The following PPFIA2 variants were observed in gnomAD, a reference collection of about 807,000 sequenced individuals.
The protein encoded by PPFIA2 is liprin-alpha-2.
A neutral mutation model predicts 175.5 loss-of-function variants in PPFIA2; 46 were observed. That is an observed-to-expected ratio of 0.26 (90% CI 0.21 to 0.34). The LOEUF (loss-of-function observed/expected upper bound fraction) is 0.34. Ranked by LOEUF, PPFIA2 falls within the 10% of genes least tolerant of loss-of-function variation. The pLI is 1.00. For synonymous variants in PPFIA2, 568 were observed against 511.4 expected (o/e 1.11, Z -1.49); for missense variants, 1,179 against 1,506.1 (o/e 0.78, Z 3.60).
intron 26 of PPFIA2, among the ~76,000 whole-genome samples, chr12:81,281,769 T>C (rs1441856391): frequency 6.6e-6 from 1 of 152,124 alleles, no homozygotes; most frequent in Non-Finnish European, 1.5e-5. Flanking sequence ...TTTAAATTGA[T>C]AGGTTTGTTT....
At position 81,504,439 on chromosome 12, in the gene PPFIA2, A is replaced by G. The variant is rs138597714; in HGVS notation, c.304-46573T>C. On this transcript the variant is annotated intron_variant, in intron 4 of 32. Coordinates refer to ENST00000549396, the MANE Select transcript of PPFIA2 (RefSeq NM_003625.5). ...TAGAGAAATGCAAATCAAAACCACAATGAGACACCATCTCACACCAGTTAG... is the reference window on the plus strand; with the variant it reads ...TAGAGAAATGCAAATCAAAACCACAGTGAGACACCATCTCACACCAGTTAG... Among the ~76,000 whole-genome samples, 561 of 152,290 alleles carry G rather than the reference A, an allele frequency of 3.7e-3. 3 individuals are homozygous for G. The highest frequency in any genetic ancestry group is 0.013 in the African/African-American group (521 of 41,568).
At chr12:81,261,018 T>G (rs924560750) in intron 32 of PPFIA2, 2 of 152,192 alleles carry the variant, frequency 1.3e-5, no homozygotes, top group Non-Finnish European at 2.9e-5. Context: ...CATTAATTGG[T>G]ATTTCCTTAA....
chr12:81,290,643 T>A (rs1159172123), intron 24 of PPFIA2, among the ~76,000 whole-genome samples: 1 of 151,800 alleles, frequency 6.6e-6, no homozygotes, highest in Non-Finnish European at 1.5e-5. Flanking sequence ...ACCAGATTAA[T>A]AAGAATATAA....
intron 22 of PPFIA2, among the ~76,000 whole-genome samples, chr12:81,318,283 C>T (rs997929904): frequency 6.6e-6 from 1 of 151,660 alleles, no homozygotes; most frequent in African/African-American, 2.4e-5. Context: ...GAACACAATA[C>T]CCAGCTACAA....
intron 4 of PPFIA2, among the ~76,000 whole-genome samples, chr12:81,618,464 G>A (rs1467721565): frequency 1.3e-5 from 2 of 149,780 alleles, no homozygotes; most frequent in East Asian, 2.0e-4. Flanking sequence ...ACTCATTAAT[G>A]TATTATTTCT....
At chr12:81,647,402 A>C (rs1283354279) in intron 4 of PPFIA2, among the ~76,000 whole-genome samples, 1 of 152,174 alleles carries the variant, frequency 6.6e-6, no homozygotes, top group Non-Finnish European at 1.5e-5. Context: ...ACATTCAAAA[A>C]GTTCAGAGAA....
At chr12:81,678,459 T>C (rs1037535380) in intron 3 of PPFIA2, among the ~76,000 whole-genome samples, 2 of 151,826 alleles carry the variant, frequency 1.3e-5, no homozygotes, top group Non-Finnish European at 2.9e-5. Context: ...CTATCTGAAA[T>C]GCTAACTGTG....
At chr12:81,613,897 T>G (rs959761441) in intron 4 of PPFIA2, among the ~76,000 whole-genome samples, 30 of 152,270 alleles carry the variant, frequency 2.0e-4, no homozygotes, top group African/African-American at 6.7e-4. Flanking sequence ...TAGAAAATAC[T>G]TATTCTAAGA....
At chr12:81,318,896 A>G (rs1002880903) in intron 22 of PPFIA2, among the ~76,000 whole-genome samples, 6 of 151,732 alleles carry the variant, frequency 4.0e-5, no homozygotes, top group South Asian at 4.1e-4. Flanking sequence ...TTCAAATATC[A>G]GTAATTTAAA....
chr12:81,629,380 T>A (rs1595783148), intron 4 of PPFIA2, among the ~76,000 whole-genome samples: 1 of 152,158 alleles, frequency 6.6e-6, no homozygotes, highest in Non-Finnish European at 1.5e-5. Flanking sequence ...CAATAATTAG[T>A]CTTTTTAACA....
At chr12:81,647,566 CCTGG>C (rs763699518) in intron 4 of PPFIA2, among the ~76,000 whole-genome samples, 21 of 151,490 alleles carry the variant, frequency 1.4e-4, no homozygotes, top group Non-Finnish European at 2.8e-4. Context: ...TCGAGACCAT[CCTGG>C]CTAACATGGT....
chr12:81,476,157 T>C (rs2057451094), intron 4 of PPFIA2, among the ~76,000 whole-genome samples: 1 of 152,200 alleles, frequency 6.6e-6, no homozygotes, highest in South Asian at 2.1e-4. Flanking sequence ...AAGTTTCTAG[T>C]TCCTGGAATC....
At chr12:81,660,403 C>T (rs2068605386) in intron 4 of PPFIA2, among the ~76,000 whole-genome samples, 1 of 152,130 alleles carries the variant, frequency 6.6e-6, no homozygotes, top group African/African-American at 2.4e-5. Flanking sequence ...GACAAATGCA[C>T]AAGCTTCAGT....
intron 3 of PPFIA2, among the ~76,000 whole-genome samples, chr12:81,706,189 G>C (rs112270774): frequency 6.6e-6 from 1 of 152,062 alleles, no homozygotes; most frequent in Admixed American, 6.6e-5. Flanking sequence ...TGTCCAATAC[G>C]GAGTTTGCAA....
chr12:81,580,138 A>G (rs1372714662), intron 4 of PPFIA2, among the ~76,000 whole-genome samples: 1 of 151,878 alleles, frequency 6.6e-6, no homozygotes, highest in Admixed American at 6.6e-5. Context: ...GATACTTTGT[A>G]ATGATATTAA....
At chr12:81,713,185 A>G (rs2078174938) in intron 3 of PPFIA2, among the ~76,000 whole-genome samples, 1 of 151,128 alleles carries the variant, frequency 6.6e-6, no homozygotes, top group South Asian at 2.1e-4. Flanking sequence ...GGGGGGTCTG[A>G]TTGAATGCTA....
chr12:81,276,767 T>C (rs1208862899), intron 28 of PPFIA2, among the ~76,000 whole-genome samples: 3 of 152,190 alleles, frequency 2.0e-5, no homozygotes, highest in Non-Finnish European at 4.4e-5. Context: ...CTGCAGCAAT[T>C]TACACTGTTC....
chr12:81,720,240 C>T (rs1046018319), intron 3 of PPFIA2, among the ~76,000 whole-genome samples: 5 of 151,338 alleles, frequency 3.3e-5, no homozygotes, highest in African/African-American at 1.2e-4. Flanking sequence ...CAACAGGATT[C>T]TTTAATTAGG....
chr12:81,669,891 G>T (rs549297992), intron 4 of PPFIA2, among the ~76,000 whole-genome samples: 1 of 152,096 alleles, frequency 6.6e-6, no homozygotes, highest in Admixed American at 6.6e-5. Context: ...AAGGCTAAAT[G>T]TAACATATTG....
Sources: gnomAD v4.1 joint callset for allele counts (sites outside exome capture counted in the v4.1 genomes callset) on GRCh38, gnomAD v4.1.1 for gene constraint, MANE v1.5 for transcripts, NCBI Gene and HGNC (gene_info 2026-07-23, HGNC 2026-07-21) for gene names.